The following PADI1 variants were observed in gnomAD, a reference collection of about 807,000 sequenced individuals.
PADI1 encodes the protein peptidyl arginine deiminase 1.
Under a neutral mutation model 74.8 loss-of-function variants are expected in PADI1, and 65 were observed. That is an observed-to-expected ratio of 0.87 (90% CI 0.71 to 1.07). The LOEUF is 1.07. Among genes scored for constraint, PADI1 ranks in the 50% least tolerant of loss-of-function variants. The pLI is 0.00. For synonymous variants in PADI1, 371 were observed against 336.2 expected, an observed-to-expected ratio of 1.10 and a Z score of -1.13; for missense variants, 943 against 854.0, an observed-to-expected ratio of 1.10 and a Z score of -1.30.
In PADI1 at chr1:17,237,450, G is replaced by C; in HGVS notation, c.1450G>C (p.Asp484His). The change falls in exon 12 of 16, where the codon GAC (aspartate) becomes CAC (histidine). Residue 484 changes from aspartate (D) to histidine (H), a missense_variant. Transcript: ENST00000375471. ...GTTTCTGACCTTTGTGCCTACCTCTGACCAAAAGGTGCGTCCCCTCCTTCC... is the reference window on the plus strand; with the variant it reads ...GTTTCTGACCTTTGTGCCTACCTCTCACCAAAAGGTGCGTCCCCTCCTTCC... Reference protein sequence around the residue: ...DEFLTFVPTSDQKGFRLLLAS... With the variant: ...DEFLTFVPTSHQKGFRLLLAS... The C allele has an allele frequency of 6.2e-7, 1 of 1,610,524 alleles. No individual in the cohort carries two copies. The highest frequency in any genetic ancestry group is 8.5e-7 in the Non-Finnish European group (1 of 1,178,096).
intron 6 of PADI1, 40 bp from the exon 7 acceptor site, chr1:17,228,585 C>G (rs1261726465): frequency 6.2e-7 from 1 of 1,607,760 alleles, no homozygotes; most frequent in East Asian, 2.2e-5. Flanking sequence ...AGCCCCTCAC[C>G]CCTGTCTCCT....
Position 17,229,194 on chromosome 1 carries a change from C to G in PADI1, c.929+143C>G, listed in dbSNP as rs1480926356. 1.0e-4 allele frequency: 66 copies of G among 655,650 alleles called. No homozygotes were observed. In the East Asian group the frequency reaches 1.8e-3, roughly 18 times the overall value. 40.6% of individuals were successfully genotyped at this position (655,650 alleles called of 1,614,324 possible). A position where few individuals can be genotyped will look rare whatever the true frequency, so the allele number is the denominator to read the frequency against. On this transcript the variant is annotated intron_variant, in intron 8 of 15. Coordinates refer to ENST00000375471, the MANE Select transcript of PADI1 (RefSeq NM_013358.3). ...GGCAGAGCTGGTGGCAGGACAGCAGCAGGTGGGCTGGGGCCCCACCCTGCC... is the reference window on the plus strand; with the variant it reads ...GGCAGAGCTGGTGGCAGGACAGCAGGAGGTGGGCTGGGGCCCCACCCTGCC...
At chr1:17,241,402 T>A (rs530671661) in intron 15 of PADI1, among the ~76,000 whole-genome samples, 87 of 152,392 alleles carry the variant, frequency 5.7e-4, no homozygotes, top group Non-Finnish European at 1.0e-3. Context: ...ATAGACCCTC[T>A]TTCTTCAGAC....
At position 17,238,664 on chromosome 1, in the gene PADI1, CAA is replaced by C; in HGVS notation, c.1508_1509del (p.Gln503ArgfsTer14). The C allele has an allele frequency of 6.4e-7, 1 of 1,556,532 alleles. No individual in the cohort carries two copies. Among genetic ancestry groups the C allele is most frequent in the Non-Finnish European group, 8.7e-7 (1 of 1,145,764 alleles). ...ASPSACLKLFQEKKEEGYGEA... is the reference protein window; with the variant it reads ...ASPSACLKLFXEKKEEGYGEA... Reference sequence around the variant, plus strand: ...CCCCAGCGCTTGCCTCAAACTCTTCCAAGAGAAGAAAGAAGAGGGTTATGGGG... The same window carrying C: ...CCCCAGCGCTTGCCTCAAACTCTTCCGAGAAGAAAGAAGAGGGTTATGGGG... On this transcript the variant is annotated frameshift_variant, in exon 13 of 16. Transcript: ENST00000375471. LOFTEE classifies it high-confidence loss of function.
chr1:17,239,921 T>A (rs2072738149), intron 14 of PADI1, 138 bp downstream of exon 14: 1 of 676,770 alleles, frequency 1.5e-6, no homozygotes. Context: ...GCAGGTGGGA[T>A]AGAGCCTCTG....
intron 1 of PADI1, among the ~76,000 whole-genome samples, chr1:17,214,076 G>A: frequency 6.6e-6 from 1 of 152,230 alleles, no homozygotes; most frequent in East Asian, 1.9e-4. Context: ...TTTCTGGCTG[G>A]AGTGAGTTGG....
intron 1 of PADI1, among the ~76,000 whole-genome samples, chr1:17,213,834 T>G (rs964618279): frequency 6.6e-6 from 1 of 152,188 alleles, no homozygotes; most frequent in Non-Finnish European, 1.5e-5. Flanking sequence ...GGTTTTACAC[T>G]CCTCATCCCG....
intron 10 of PADI1, 68 bp downstream of exon 10, chr1:17,230,747 C>T: frequency 1.2e-6 from 1 of 848,098 alleles, no homozygotes; most frequent in Non-Finnish European, 2.0e-6. Context: ...AGTGAAGTCT[C>T]ATCTGGACCT....
intron 1 of PADI1, among the ~76,000 whole-genome samples, chr1:17,206,799 A>G (rs1569728686): frequency 1.4e-5 from 2 of 147,790 alleles, no homozygotes; most frequent in Non-Finnish European, 3.0e-5. Flanking sequence ...TCTCTGCCGC[A>G]GCCTCCAGAG....
intron 1 of PADI1, among the ~76,000 whole-genome samples, chr1:17,220,628 T>C (rs773783031): frequency 6.6e-6 from 1 of 152,068 alleles, no homozygotes; most frequent in African/African-American, 2.4e-5. Flanking sequence ...TGACCTTGGG[T>C]GGTGTCCTGG....
intron 12 of PADI1, among the ~76,000 whole-genome samples, chr1:17,238,122 C>T (rs1290086616): frequency 6.6e-6 from 1 of 152,242 alleles, no homozygotes; most frequent in East Asian, 1.9e-4. Context: ...GATCTTGGCT[C>T]ACTACAACCT....
At chr1:17,214,216 G>A (rs1046903638) in intron 1 of PADI1, among the ~76,000 whole-genome samples, 1 of 152,142 alleles carries the variant, frequency 6.6e-6, no homozygotes, top group African/African-American at 2.4e-5. Flanking sequence ...ATTTTACAGC[G>A]GAGGAAAATC....
At chr1:17,211,719 A>G (rs2071838157) in intron 1 of PADI1, among the ~76,000 whole-genome samples, 1 of 152,204 alleles carries the variant, frequency 6.6e-6, no homozygotes, top group Non-Finnish European at 1.5e-5. Flanking sequence ...TGAGGGGTGA[A>G]GTGAAGGCAG....
intron 15 of PADI1, among the ~76,000 whole-genome samples, chr1:17,243,428 T>C (rs866734986): frequency 2.3e-4 from 35 of 152,358 alleles, no homozygotes; most frequent in Middle Eastern, 3.4e-3. Context: ...CATCATTCTC[T>C]GGCTGTATGA....
chr1:17,228,896 AGGCAGGCTAGG>A, intron 7 of PADI1, 41 bp from the exon 8 acceptor site: 1 of 1,575,150 alleles, frequency 6.3e-7, no homozygotes. Flanking sequence ...GGGGGGCTTG[AGGCAGGCTAGG>A]GGTCCCTGCA....
At chr1:17,227,530 C>CAAATAAATAAATAAAT (rs56966982) in intron 6 of PADI1, among the ~76,000 whole-genome samples, 3 of 138,294 alleles carry the variant, frequency 2.2e-5, no homozygotes, top group East Asian at 2.1e-4. Flanking sequence ...GACCCTGTCT[C>CAAATAAATAAATAAAT]AAATAAATAA....
rs1200896222 is a variant in PADI1 at position 17,230,592 on chromosome 1, C to T, written c.1074C>T (p.Tyr358=). The T allele has an allele frequency of 6.2e-7, 1 of 1,611,108 alleles. No individual in the cohort carries two copies. Among genetic ancestry groups the T allele is most frequent in the Admixed American group, 1.7e-5 (1 of 59,376 alleles). ...RWIQDEMEFG[Y]IEAPHKSFPV... Reference sequence around the variant, plus strand: ...CCCAGGACGAGATGGAGTTTGGCTACATCGAGGCCCCTCACAAATCCTTCC... The same window carrying T: ...CCCAGGACGAGATGGAGTTTGGCTATATCGAGGCCCCTCACAAATCCTTCC... Residue 358 remains tyrosine, a synonymous_variant, in exon 10 of 16, where the codon TAC becomes TAT. Transcript: ENST00000375471.
chr1:17,243,690 G>T (rs1230259316), intron 15 of PADI1, among the ~76,000 whole-genome samples: 1 of 152,218 alleles, frequency 6.6e-6, no homozygotes, highest in Non-Finnish European at 1.5e-5. Context: ...TTCTAACAAA[G>T]TTGCTATAAT....
At chr1:17,216,806 G>T (rs1025010014) in intron 1 of PADI1, among the ~76,000 whole-genome samples, 3 of 152,070 alleles carry the variant, frequency 2.0e-5, no homozygotes, top group African/African-American at 4.8e-5. Context: ...GGAGGCAGAG[G>T]TTGCAGTGAG....
Sources: gnomAD v4.1 joint callset for allele counts (sites outside exome capture counted in the v4.1 genomes callset) on GRCh38, gnomAD v4.1.1 for gene constraint, MANE v1.5 for transcripts, NCBI Gene and HGNC (gene_info 2026-07-23, HGNC 2026-07-21) for gene names.